Variants in PRRC2C observed in about 807,000 individuals in gnomAD.
PRRC2C encodes the protein protein PRRC2C.
Under a neutral mutation model 317.2 loss-of-function variants are expected in PRRC2C, and 72 were observed. The ratio of observed to expected loss-of-function variants is 0.23; its 90% CI spans 0.19 to 0.28. PRRC2C has a LOEUF of 0.28. Among genes scored for constraint, PRRC2C ranks in the 10% least tolerant of loss-of-function variants. The pLI, the probability that PRRC2C is intolerant of heterozygous loss-of-function variation, is 1.00. For synonymous variants in PRRC2C, 1,296 were observed against 1,205.9 expected (o/e 1.07, Z -1.55); for missense variants, 3,074 against 3,459.7 (o/e 0.89, Z 2.80).
chr1:171,536,584 C>A (rs973007187), intron 14 of PRRC2C, among the ~76,000 whole-genome samples: 1 of 151,952 alleles, frequency 6.6e-6, no homozygotes, highest in African/African-American at 2.4e-5. Flanking sequence ...GTGTTTTCAG[C>A]GTTTGAATTT....
At chr1:171,511,062 T>G (rs1398311690) in intron 1 of PRRC2C, 1 of 152,206 alleles carries the variant, frequency 6.6e-6, no homozygotes, top group Non-Finnish European at 1.5e-5. Flanking sequence ...GGCTTTACTT[T>G]GATGCTTTTT....
intron 1 of PRRC2C, among the ~76,000 whole-genome samples, chr1:171,489,476 G>A (rs772698262): frequency 6.6e-6 from 1 of 152,198 alleles, no homozygotes; most frequent in Non-Finnish European, 1.5e-5. Context: ...ATAAAAAGGT[G>A]TATAAGAAGG....
chr1:171,586,663 C>T (rs1206129114), intron 30 of PRRC2C, among the ~76,000 whole-genome samples: 1 of 151,624 alleles, frequency 6.6e-6, no homozygotes, highest in Non-Finnish European at 1.5e-5. Context: ...TCACTGCAAC[C>T]TCCCCCTCCT....
chr1:171,495,832 A>C (rs1667988936), intron 1 of PRRC2C, among the ~76,000 whole-genome samples: 1 of 152,182 alleles, frequency 6.6e-6, no homozygotes, highest in African/African-American at 2.4e-5. Flanking sequence ...TGCCATAACA[A>C]AATAGTATAG....
intron 17 of PRRC2C, among the ~76,000 whole-genome samples, chr1:171,546,510 T>C (rs1437597256): frequency 6.6e-6 from 1 of 152,246 alleles, no homozygotes; most frequent in Non-Finnish European, 1.5e-5. Flanking sequence ...CTCATGGACA[T>C]TATTTTTTGA....
intron 9 of PRRC2C, among the ~76,000 whole-genome samples, chr1:171,524,075 G>A (rs1363940878): frequency 2.0e-5 from 3 of 151,816 alleles, no homozygotes; most frequent in African/African-American, 7.3e-5. Context: ...CACCTAGTTT[G>A]GAGATCTTTT....
chr1:171,534,404 A>G (rs1239044928), intron 12 of PRRC2C, among the ~76,000 whole-genome samples: 1 of 152,094 alleles, frequency 6.6e-6, no homozygotes, highest in Non-Finnish European at 1.5e-5. Context: ...TTCACATTTT[A>G]TATATTCTCT....
chr1:171,576,346 A>AT (rs1050951597), intron 25 of PRRC2C, among the ~76,000 whole-genome samples: 20 of 152,094 alleles, frequency 1.3e-4, no homozygotes, highest in Admixed American at 2.0e-4. Context: ...GACTAGGATA[A>AT]TTTTTTTAAC....
At position 171,514,542 on chromosome 1, in the gene PRRC2C, A is replaced by G. The variant is rs1237545397; in HGVS notation, c.297A>G (p.Pro99=). The change falls in exon 4 of 35, where the codon CCA becomes CCG. Residue 99 remains proline, a synonymous_variant. Transcript: ENST00000647382. ...ATTCATATTTTTTTTTAAGAACACCAGAAGTGCCACCAGCACAGCCAAAAC... is the reference window on the plus strand; with the variant it reads ...ATTCATATTTTTTTTTAAGAACACCGGAAGTGCCACCAGCACAGCCAAAAC... ...KQEQHEEEKT[P]EVPPAQPKPG... 8 of 1,554,790 alleles carry G rather than the reference A, an allele frequency of 5.1e-6. No individual in the cohort carries two copies. The highest frequency in any genetic ancestry group is 6.1e-6 in the Non-Finnish European group (7 of 1,148,974).
intron 25 of PRRC2C, among the ~76,000 whole-genome samples, chr1:171,575,354 A>G (rs1161463007): frequency 8.5e-5 from 13 of 152,084 alleles, no homozygotes; most frequent in Admixed American, 6.6e-4. Context: ...TCACCTTTTG[A>G]TTGTCATTTT....
intron 13 of PRRC2C, 75 bp from the exon 14 acceptor site, chr1:171,535,954 T>G: frequency 1.3e-6 from 2 of 1,505,050 alleles, no homozygotes; most frequent in Non-Finnish European, 9.0e-7. Context: ...CAGGCCATTA[T>G]TTTGTGATAT....
Position 171,541,076 on chromosome 1 carries a change from G to A in PRRC2C, c.3610G>A (p.Gly1204Ser). 1 of 1,613,730 alleles carries A rather than the reference G, an allele frequency of 6.2e-7. No individual in the cohort carries two copies. The highest frequency in any genetic ancestry group is 8.5e-7 in the Non-Finnish European group (1 of 1,179,812). ...EYYSRGRSYR[G>S]SYGGRGRGGR... ...TTACTCCAGAGGTCGAAGCTATAGA[G>A]GTTCTTATGGAGGGCGTGGCAGGGG... The change falls in exon 16 of 35, where the codon GGT (glycine) becomes AGT (serine). Residue 1204 changes from glycine (G) to serine (S), a missense_variant. Gly to Ser is a moderately conservative substitution (Grantham distance 56). Transcript: ENST00000647382. This position sits in a 1 kb window ranked among gnomAD's most constrained non-coding sequence, Gnocchi z 4.1.
intron 11 of PRRC2C, among the ~76,000 whole-genome samples, chr1:171,529,345 C>G (rs1295236232): frequency 6.6e-6 from 1 of 152,204 alleles, no homozygotes; most frequent in Non-Finnish European, 1.5e-5. Flanking sequence ...AACTCAACAT[C>G]TCCACTTGGA....
intron 1 of PRRC2C, chr1:171,510,360 T>A (rs1210727651): frequency 6.6e-6 from 1 of 152,220 alleles, no homozygotes; most frequent in African/African-American, 2.4e-5. Context: ...ATTTCAGGAT[T>A]CTTAGTTAAA....
chr1:171,519,711 A>G (rs906808944), intron 6 of PRRC2C, among the ~76,000 whole-genome samples: 1 of 152,194 alleles, frequency 6.6e-6, no homozygotes, highest in Non-Finnish European at 1.5e-5. Flanking sequence ...TCTCATAGGA[A>G]ACAAAAATCT....
chr1:171,588,014 C>T (rs1226512049), intron 32 of PRRC2C, among the ~76,000 whole-genome samples: 3 of 151,804 alleles, frequency 2.0e-5, no homozygotes, highest in African/African-American at 7.3e-5. Context: ...ACACTGTTAC[C>T]CAGACTAGAG....
intron 2 of PRRC2C, 157 bp from the exon 3 acceptor site, chr1:171,512,838 C>T (rs562650328): frequency 4.4e-4 from 276 of 625,014 alleles, no homozygotes; most frequent in Non-Finnish European, 6.3e-4. Flanking sequence ...AAATGTGTTG[C>T]AGGTGTGTAG....
intron 32 of PRRC2C, 51 bp from the exon 33 acceptor site, chr1:171,588,328 G>A (rs1344702372): frequency 2.5e-6 from 4 of 1,581,604 alleles, no homozygotes; most frequent in African/African-American, 1.4e-5. Context: ...AAATCTAACA[G>A]CATTATTTAC....
At chr1:171,538,996 G>A (rs754261028) in intron 15 of PRRC2C, among the ~76,000 whole-genome samples, 6 of 149,590 alleles carry the variant, frequency 4.0e-5, no homozygotes, top group African/African-American at 1.2e-4. Context: ...ATGAGCCACC[G>A]CTTCAGGCCC....
Sources: allele counts gnomAD v4.1 joint callset (sites outside exome capture counted in the v4.1 genomes callset), GRCh38; gene constraint gnomAD v4.1.1; non-coding constraint Gnocchi (gnomAD v3.1); transcripts MANE v1.5; gene names NCBI Gene and HGNC (gene_info 2026-07-23, HGNC 2026-07-21).